Variants in LRRC20 observed in about 807,000 individuals in gnomAD.
The protein encoded by LRRC20 is leucine rich repeat containing 20.
A neutral mutation model predicts 14.4 loss-of-function variants in LRRC20; 11 were observed. The observed-to-expected ratio is 0.77, with a 90% CI of 0.48 to 1.27. The LOEUF is 1.27. Among genes scored for constraint, LRRC20 ranks in the 50% most tolerant of loss-of-function variants. The probability of loss-of-function intolerance (pLI) is 0.00; values close to 1 mark genes in which losing one functional copy is unlikely to be tolerated. For synonymous variants in LRRC20, 121 were observed against 107.3 expected, an observed-to-expected ratio of 1.13 and a Z score of -0.79; for missense variants, 219 against 251.2, an observed-to-expected ratio of 0.87 and a Z score of 0.87.
At chr10:70,369,550 G>A (rs932250984) in intron 2 of LRRC20, among the ~76,000 whole-genome samples, 19 of 143,776 alleles carry the variant, frequency 1.3e-4, no homozygotes, top group African/African-American at 4.1e-4. Flanking sequence ...ATTGCCGTGA[G>A]CCGAGATGGT....
intron 2 of LRRC20, among the ~76,000 whole-genome samples, chr10:70,361,324 G>C (rs1843713732): frequency 6.6e-6 from 1 of 152,262 alleles, no homozygotes; most frequent in Admixed American, 6.5e-5. Flanking sequence ...ATGATGGTGA[G>C]CAAGAGAGAG....
intron 4 of LRRC20, among the ~76,000 whole-genome samples, chr10:70,302,273 A>G (rs968797296): frequency 1.3e-5 from 2 of 152,156 alleles, no homozygotes; most frequent in African/African-American, 4.8e-5. Context: ...AAATCGCACC[A>G]CTGCACTCCA....
chr10:70,304,346 C>T (rs1234123240), intron 4 of LRRC20, among the ~76,000 whole-genome samples: 2 of 151,728 alleles, frequency 1.3e-5, no homozygotes, highest in South Asian at 2.1e-4. Context: ...ATATTGCCCA[C>T]GGTTGGGGGC....
intron 2 of LRRC20, among the ~76,000 whole-genome samples, chr10:70,350,559 C>T (rs773154237): frequency 5.9e-5 from 9 of 152,146 alleles, no homozygotes; most frequent in South Asian, 2.1e-4. Context: ...AATTCAGGAG[C>T]GCCTGATTGA....
intron 2 of LRRC20, among the ~76,000 whole-genome samples, chr10:70,344,727 C>T (rs998160455): frequency 3.3e-5 from 5 of 152,052 alleles, no homozygotes; most frequent in Non-Finnish European, 7.4e-5. Context: ...CCATCAAACC[C>T]GGCTAATTTT....
At chr10:70,371,633 T>C (rs557468211) in intron 2 of LRRC20, among the ~76,000 whole-genome samples, 30 of 151,608 alleles carry the variant, frequency 2.0e-4, no homozygotes, top group Middle Eastern at 3.2e-3. Context: ...GAAACCCAGA[T>C]GGAAAAGGGG....
Position 70,300,405 on chromosome 10 carries a change from G to C in LRRC20, c.*949C>G, listed in dbSNP as rs1758780707. 1.1e-5 allele frequency: 11 copies of C among 985,392 alleles called. No homozygotes were observed. In the South Asian group the frequency reaches 4.7e-4, roughly 42 times the overall value. 61.0% of individuals were successfully genotyped at this position (985,392 alleles called of 1,614,324 possible). A position where few individuals can be genotyped will look rare whatever the true frequency, so the allele number is the denominator to read the frequency against. ...AGAAGAACCAGGTCATCAGGGCTTT[G>C]GGCGTTGGCCTGGGAGCTGGCTGGC... On this transcript the variant is annotated 3_prime_UTR_variant, in exon 5 of 5. Coordinates refer to ENST00000446961, the MANE Select transcript of LRRC20 (RefSeq NM_001278212.2).
At chr10:70,379,126 C>T (rs1018509992) in intron 1 of LRRC20, among the ~76,000 whole-genome samples, 1 of 152,070 alleles carries the variant, frequency 6.6e-6, no homozygotes, top group Admixed American at 6.6e-5. Flanking sequence ...GAATACAGGT[C>T]AAGAGACTCT....
intron 4 of LRRC20, among the ~76,000 whole-genome samples, chr10:70,306,325 C>T (rs1298858655): frequency 6.6e-6 from 1 of 152,114 alleles, no homozygotes; most frequent in Non-Finnish European, 1.5e-5. Flanking sequence ...GTCAGGTGCC[C>T]TAACATCCTG....
chr10:70,380,331 C>T (rs1406779940), intron 1 of LRRC20, among the ~76,000 whole-genome samples: 1 of 152,206 alleles, frequency 6.6e-6, no homozygotes, highest in Admixed American at 6.5e-5. Flanking sequence ...CCAAAAGGTT[C>T]CCGCTGCTTA....
chr10:70,336,480 C>T (rs1013132550), intron 3 of LRRC20, among the ~76,000 whole-genome samples: 1 of 152,202 alleles, frequency 6.6e-6, no homozygotes, highest in African/African-American at 2.4e-5. Flanking sequence ...ATCCCTATAA[C>T]AACTGGTCCC....
At chr10:70,319,903 A>G (rs1842011068) in intron 4 of LRRC20, among the ~76,000 whole-genome samples, 1 of 152,124 alleles carries the variant, frequency 6.6e-6, no homozygotes, top group Non-Finnish European at 1.5e-5. Context: ...AAGACCCCGG[A>G]AGCCTCTCAT....
At chr10:70,317,778 GC>G (rs967216190) in intron 4 of LRRC20, among the ~76,000 whole-genome samples, 1 of 152,216 alleles carries the variant, frequency 6.6e-6, no homozygotes, top group African/African-American at 2.4e-5. Context: ...TGCCTCGTGA[GC>G]CCAGAGGAAG....
intron 3 of LRRC20, among the ~76,000 whole-genome samples, chr10:70,338,617 T>A (rs1179528017): frequency 6.6e-6 from 1 of 151,182 alleles, no homozygotes; most frequent in East Asian, 1.9e-4. Flanking sequence ...TGTAATGTGT[T>A]TTTGCATGGA....
intron 3 of LRRC20, among the ~76,000 whole-genome samples, chr10:70,337,097 G>A (rs1162427571): frequency 6.6e-6 from 1 of 152,190 alleles, no homozygotes; most frequent in Non-Finnish European, 1.5e-5. Context: ...TTGCAGAAGA[G>A]TCCCCAGGGC....
intron 2 of LRRC20, among the ~76,000 whole-genome samples, chr10:70,367,132 C>G (rs565199145): frequency 1.5e-4 from 23 of 151,912 alleles, no homozygotes; most frequent in African/African-American, 5.3e-4. Flanking sequence ...TGAGACCAGC[C>G]TCGCCAACAC....
chr10:70,312,103 G>A (rs1408159865), intron 4 of LRRC20, among the ~76,000 whole-genome samples: 1 of 152,176 alleles, frequency 6.6e-6, no homozygotes, highest in African/African-American at 2.4e-5. Flanking sequence ...GAAGTGTCAA[G>A]GGAGGTGAGC....
At chr10:70,324,954 G>C (rs933279995) in intron 3 of LRRC20, among the ~76,000 whole-genome samples, 1 of 152,138 alleles carries the variant, frequency 6.6e-6, no homozygotes, top group South Asian at 2.1e-4. Context: ...CTGTCTCTAG[G>C]GCTGTGAGAG....
At chr10:70,341,482 A>C (rs1353365957) in intron 2 of LRRC20, among the ~76,000 whole-genome samples, 6 of 152,224 alleles carry the variant, frequency 3.9e-5, no homozygotes, top group African/African-American at 1.4e-4. Flanking sequence ...AAAAGAAATG[A>C]AGTGGCCAGG....
Sources: gnomAD v4.1 joint callset for allele counts (sites outside exome capture counted in the v4.1 genomes callset) on GRCh38, gnomAD v4.1.1 for gene constraint, MANE v1.5 for transcripts, NCBI Gene and HGNC (gene_info 2026-07-23, HGNC 2026-07-21) for gene names.